RTN3: variants seen among roughly 807,000 people sequenced by gnomAD.
RTN3 encodes reticulon-3.
A neutral mutation model predicts 77.8 loss-of-function variants in RTN3; 49 were observed. The observed-to-expected ratio is 0.63, with a 90% CI of 0.50 to 0.80. The LOEUF is 0.80. Among genes scored for constraint, RTN3 ranks in the 30% least tolerant of loss-of-function variants. The pLI is 0.00. For missense variants in RTN3, 1,236 were observed against 1,211.9 expected (o/e 1.02, Z -0.29); for synonymous variants, 464 against 446.9 (o/e 1.04, Z -0.48).
Position 63,714,838 on chromosome 11 carries a change from G to C in RTN3, c.200-3864G>C, listed in dbSNP as rs548630419. ...AGAGAATCCTTAATGTTTGAAGTCT[G>C]TCAGGCTATCATGGTGCTCAGCAGA... On this transcript the variant is annotated intron_variant, in intron 2 of 8. Coordinates refer to ENST00000377819, the MANE Select transcript of RTN3 (RefSeq NM_001265589.2). Among the ~76,000 whole-genome samples the C allele has an allele frequency of 1.6e-4, 24 of 152,190 alleles. No homozygotes were observed. In the South Asian group the frequency reaches 5.0e-3, roughly 32 times the overall value.
chr11:63,701,328 T>C (rs1237822225), intron 1 of RTN3, among the ~76,000 whole-genome samples: 2 of 152,154 alleles, frequency 1.3e-5, no homozygotes, highest in Non-Finnish European at 2.9e-5. Context: ...CCAATAAGCA[T>C]TTAAGGTTCC....
chr11:63,688,536 T>A (rs1941492253), intron 1 of RTN3, among the ~76,000 whole-genome samples: 1 of 152,138 alleles, frequency 6.6e-6, no homozygotes, highest in Non-Finnish European at 1.5e-5. Context: ...AGTTTTTTTT[T>A]AATGCTGTTT....
intron 4 of RTN3, among the ~76,000 whole-genome samples, chr11:63,750,852 C>G (rs551816299): frequency 3.5e-4 from 53 of 152,290 alleles, no homozygotes; most frequent in Non-Finnish European, 7.1e-4. Context: ...CTGCCTCAGC[C>G]TCCCGAGTAG....
chr11:63,751,704 A>AT (rs1479720951), intron 4 of RTN3, among the ~76,000 whole-genome samples: 2 of 152,116 alleles, frequency 1.3e-5, no homozygotes, highest in Non-Finnish European at 2.9e-5. Flanking sequence ...TAAAAATTTT[A>AT]TTGCAGTTCA....
intron 1 of RTN3, among the ~76,000 whole-genome samples, chr11:63,692,998 T>C (rs998231621): frequency 2.0e-5 from 3 of 152,110 alleles, no homozygotes; most frequent in Non-Finnish European, 2.9e-5. Context: ...CTTGACTGAA[T>C]TCCTGAGTGC....
chr11:63,702,322 G>GC (rs1942278041), intron 1 of RTN3, among the ~76,000 whole-genome samples: 1 of 143,446 alleles, frequency 7.0e-6, no homozygotes, highest in Admixed American at 7.0e-5. Context: ...TTGTTTTTTT[G>GC]TTTTTTTTTT....
At chr11:63,699,688 C>T (rs995561498) in intron 1 of RTN3, among the ~76,000 whole-genome samples, 8 of 152,164 alleles carry the variant, frequency 5.3e-5, no homozygotes, top group African/African-American at 1.9e-4. Context: ...AATGCCTTTC[C>T]CTTCCTTGTT....
intron 1 of RTN3, among the ~76,000 whole-genome samples, chr11:63,695,964 A>G (rs761760261): frequency 6.6e-6 from 1 of 152,202 alleles, no homozygotes; most frequent in Non-Finnish European, 1.5e-5. Context: ...CTTTTTTATT[A>G]GAATACGATG....
intron 3 of RTN3, among the ~76,000 whole-genome samples, chr11:63,748,247 TC>T (rs1438992976): frequency 6.7e-6 from 1 of 150,000 alleles, no homozygotes; most frequent in Non-Finnish European, 1.5e-5. Context: ...ACCAGGACCA[TC>T]CTGGGCAACT....
chr11:63,745,415 G>A (rs1310141188), intron 3 of RTN3, among the ~76,000 whole-genome samples: 1 of 152,224 alleles, frequency 6.6e-6, no homozygotes, highest in Admixed American at 6.5e-5. Context: ...CTGTTAAAGG[G>A]AATAGAAAGT....
chr11:63,693,739 C>T (rs1236336805), intron 1 of RTN3, among the ~76,000 whole-genome samples: 4 of 152,132 alleles, frequency 2.6e-5, no homozygotes, highest in African/African-American at 9.7e-5. Flanking sequence ...TCTTTTATTT[C>T]TTCTGGACTG....
rs888270389 is a variant in RTN3 at position 63,758,449 on chromosome 11, A to G, written c.*248A>G. 3.7e-5 allele frequency: 38 copies of G among 1,040,618 alleles called. No individual in the cohort carries two copies. The highest frequency in any genetic ancestry group is 5.1e-5 in the Non-Finnish European group (37 of 724,520). The allele number at this position is 1,040,618 out of a possible 1,614,324, so 64.5% of individuals were successfully genotyped here. A position where few individuals can be genotyped will look rare whatever the true frequency, so the allele number is the denominator to read the frequency against. On this transcript the variant is annotated 3_prime_UTR_variant, in exon 9 of 9. Coordinates refer to ENST00000377819, the MANE Select transcript of RTN3 (RefSeq NM_001265589.2). The stretch of plus-strand genomic sequence containing the variant: ...AGAATCAAATTCATAGGATAAGTCA[A>G]TACCTTAATGGTGGTAGAGCCTTTA...
At chr11:63,712,831 C>T (rs2011200918) in intron 2 of RTN3, among the ~76,000 whole-genome samples, 1 of 152,164 alleles carries the variant, frequency 6.6e-6, no homozygotes, top group Admixed American at 6.5e-5. Context: ...CGCAATGGCT[C>T]ACACTTGTAA....
chr11:63,693,407 C>G (rs1283654195), intron 1 of RTN3, among the ~76,000 whole-genome samples: 1 of 152,042 alleles, frequency 6.6e-6, no homozygotes, highest in Non-Finnish European at 1.5e-5. Flanking sequence ...TCACTTGAAC[C>G]TGGGAGGTCG....
chr11:63,718,652 G>A (rs1201391284), intron 2 of RTN3, 50 bp from the exon 3 acceptor site: 1 of 1,414,904 alleles, frequency 7.1e-7, no homozygotes, highest in Non-Finnish European at 9.4e-7. Flanking sequence ...GCTAGCTAAT[G>A]TGTAATTGTA....
rs1408472473 is a variant in RTN3 at position 63,681,769 on chromosome 11, T to C, written c.133T>C (p.Ser45Pro). The change falls in exon 1 of 9, where the codon TCC becomes CCC. Residue 45 changes from serine to proline, a missense_variant. Ser to Pro is a moderately conservative substitution (Grantham distance 74). This residue lies in a region of RTN3 where 1,056 missense variants were observed against 990.4 expected (regional missense o/e 1.07). Coordinates refer to ENST00000377819, the MANE Select transcript of RTN3 (RefSeq NM_001265589.2). The part of the protein sequence containing the change: ...PALGTKSCSS[S>P]CADSFVSSSS... ...CCTGGGGACGAAGAGCTGCAGCTCCTCCTGTGCGGGTAAGGCGCGCGGGGA... is the reference window on the plus strand; with the variant it reads ...CCTGGGGACGAAGAGCTGCAGCTCCCCCTGTGCGGGTAAGGCGCGCGGGGA... 2 of 1,590,416 alleles carry C rather than the reference T, an allele frequency of 1.3e-6. No individual in the cohort carries two copies. Among genetic ancestry groups the C allele is most frequent in the Non-Finnish European group, 1.7e-6 (2 of 1,171,682 alleles).
chr11:63,719,674 C>G lies in RTN3; in HGVS notation c.1172C>G (p.Ser391Cys). The change falls in exon 3 of 9, where the codon TCT (serine) becomes TGT (cysteine). Residue 391 changes from serine (S) to cysteine (C), a missense_variant. This residue lies in a region of RTN3 where 1,056 missense variants were observed against 990.4 expected (regional missense o/e 1.07). Coordinates refer to ENST00000377819, the MANE Select transcript of RTN3 (RefSeq NM_001265589.2). ...ACTCATCAGAAAACTCCTGTATGTT[C>G]TATTGATGGGAGCACTCCCATCACT... ...TSTHQKTPVCSIDGSTPITKS... is the reference protein window; with the variant it reads ...TSTHQKTPVCCIDGSTPITKS... The G allele has an allele frequency of 6.2e-7, 1 of 1,614,056 alleles. No homozygotes were observed. The highest frequency in any genetic ancestry group is 8.5e-7 in the Non-Finnish European group (1 of 1,180,010).
intron 1 of RTN3, among the ~76,000 whole-genome samples, chr11:63,682,390 A>G (rs1393580193): frequency 6.6e-6 from 1 of 151,820 alleles, no homozygotes; most frequent in African/African-American, 2.4e-5. Context: ...GATTTTTCTG[A>G]GGCTCCGAGG....
chr11:63,735,531 A>G (rs1374521480), intron 3 of RTN3, among the ~76,000 whole-genome samples: 2 of 125,652 alleles, frequency 1.6e-5, no homozygotes, highest in African/African-American at 6.1e-5. Context: ...AGACAATTCA[A>G]AGTCCCAGAT....
Sources: gnomAD v4.1 joint callset for allele counts (sites outside exome capture counted in the v4.1 genomes callset) on GRCh38, gnomAD v4.1.1 for gene constraint, gnomAD v4.1.1 regional missense constraint, MANE v1.5 for transcripts, NCBI Gene and HGNC (gene_info 2026-07-23, HGNC 2026-07-21) for gene names.